The following RNLS variants were observed in gnomAD, a reference collection of about 807,000 sequenced individuals.
RNLS encodes renalase, FAD dependent amine oxidase, also known as renalase.
Under a neutral mutation model 39.8 loss-of-function variants are expected in RNLS, and 39 were observed. The ratio of observed to expected loss-of-function variants is 0.98; its 90% CI spans 0.76 to 1.28. The LOEUF is 1.28. Ranked by LOEUF, RNLS falls within the 50% of genes most tolerant of loss-of-function variation. RNLS has a pLI of 0.00. For missense variants in RNLS, 410 were observed against 413.3 expected (o/e 0.99, Z 0.07); for synonymous variants, 147 against 150.7 (o/e 0.98, Z 0.18).
the RNLS span, among the ~76,000 whole-genome samples, chr10:88,204,204 G>T: frequency 7.9e-5 from 12 of 152,224 alleles, 1 homozygote; most frequent in South Asian, 1.4e-3. Flanking sequence ...AGTGATTTAT[G>T]AGTTGCCAGA....
intron 4 of RNLS, among the ~76,000 whole-genome samples, chr10:88,420,406 A>T (rs1275221942): frequency 6.6e-6 from 1 of 152,156 alleles, no homozygotes; most frequent in Non-Finnish European, 1.5e-5. Context: ...AAACAATATA[A>T]ATTTATTCTT....
At chr10:88,209,297 AG>A in the RNLS span, among the ~76,000 whole-genome samples, 1 of 152,152 alleles carries the variant, frequency 6.6e-6, no homozygotes, top group East Asian at 1.9e-4. Context: ...ATTATAGTTA[AG>A]ATGCCGTCAT....
chr10:88,174,728 G>A, the RNLS span, among the ~76,000 whole-genome samples: 4 of 152,066 alleles, frequency 2.6e-5, no homozygotes, highest in African/African-American at 9.7e-5. Flanking sequence ...TGTATTTGTT[G>A]TTGTATCCTT....
At chr10:88,233,977 C>T in the RNLS span, among the ~76,000 whole-genome samples, 4 of 150,272 alleles carry the variant, frequency 2.7e-5, no homozygotes, top group Admixed American at 2.0e-4. Context: ...TCCTGGAAAC[C>T]GGTCAGTACA....
chr10:88,215,570 C>T, the RNLS span, among the ~76,000 whole-genome samples: 1 of 152,112 alleles, frequency 6.6e-6, no homozygotes, highest in Non-Finnish European at 1.5e-5. Flanking sequence ...AATAATGTGT[C>T]CATGATCACT....
chr10:88,199,935 C>A, the RNLS span, among the ~76,000 whole-genome samples: 13 of 152,232 alleles, frequency 8.5e-5, no homozygotes, highest in Non-Finnish European at 1.5e-4. Flanking sequence ...TTGAGACTAG[C>A]CTAAGCAACA....
intron 4 of RNLS, among the ~76,000 whole-genome samples, chr10:88,405,152 A>T (rs1383299817): frequency 6.6e-6 from 1 of 152,058 alleles, no homozygotes; most frequent in Non-Finnish European, 1.5e-5. Flanking sequence ...AGTTGTGAGG[A>T]TAACCAAATG....
intron 5 of RNLS, among the ~76,000 whole-genome samples, chr10:88,348,962 C>T (rs701892): frequency 0.25 from 38,359 of 151,984 alleles, 5,708 homozygotes; most frequent in Non-Finnish European, 0.34. Context: ...CTGCAAATTA[C>T]GAGTGCAACA....
rs1271980451 is a variant in RNLS, at chr10:88,573,042, T to C, written c.387A>G (p.Arg129=). Residue 129 remains arginine, a synonymous_variant, in exon 4 of 7, where the codon AGA becomes AGG. Coordinates refer to ENST00000331772, the MANE Select transcript of RNLS (RefSeq NM_001031709.3). ...TTAGGTTGATCTGTGTCACACGATG[T>C]CTGAAGTAGACTTCTGCACCTGTTC... ...LKESGAEVYF[R]HRVTQINLRD... The C allele has an allele frequency of 1.2e-6, 2 of 1,613,966 alleles. No homozygotes were observed. Among genetic ancestry groups the C allele is most frequent in the Non-Finnish European group, 1.7e-6 (2 of 1,179,868 alleles).
intron 4 of RNLS, among the ~76,000 whole-genome samples, chr10:88,500,459 T>C (rs1190841536): frequency 6.6e-6 from 1 of 152,178 alleles, no homozygotes; most frequent in Non-Finnish European, 1.5e-5. Context: ...GGACTCTTGT[T>C]TAGGAACACG....
At chr10:88,343,262 A>T (rs1412436542) in intron 5 of RNLS, among the ~76,000 whole-genome samples, 1 of 151,982 alleles carries the variant, frequency 6.6e-6, no homozygotes, top group Admixed American at 6.5e-5. Flanking sequence ...TGACAGTGAC[A>T]GTGACGATGA....
chr10:88,407,797 A>G (rs1853382597), intron 4 of RNLS, among the ~76,000 whole-genome samples: 1 of 152,076 alleles, frequency 6.6e-6, no homozygotes, highest in South Asian at 2.1e-4. Context: ...CATTATTAGT[A>G]TTTGCTCTGT....
chr10:88,229,813 AG>A, the RNLS span, among the ~76,000 whole-genome samples: 1 of 151,636 alleles, frequency 6.6e-6, no homozygotes, highest in African/African-American at 2.4e-5. Flanking sequence ...TACTCTTTTG[AG>A]CTTATCATTG....
chr10:88,526,064 T>C (rs957413148), intron 4 of RNLS, among the ~76,000 whole-genome samples: 1 of 152,064 alleles, frequency 6.6e-6, no homozygotes, highest in Non-Finnish European at 1.5e-5. Flanking sequence ...AACTTAACTC[T>C]TGTTTAAACC....
chr10:88,299,300 T>C (rs997808609), intron 6 of RNLS, among the ~76,000 whole-genome samples: 4 of 152,178 alleles, frequency 2.6e-5, no homozygotes, highest in African/African-American at 9.7e-5. Context: ...AGTTTCTTTC[T>C]GTATGGTTTG....
At chr10:88,529,786 C>A (rs1379511082) in intron 4 of RNLS, among the ~76,000 whole-genome samples, 1 of 152,118 alleles carries the variant, frequency 6.6e-6, no homozygotes, top group African/African-American at 2.4e-5. Context: ...TCAGCCTTAA[C>A]AAATCTGAAC....
Position 88,523,246 on chromosome 10 carries a change from AATAATGCTATTGGTTAGCT to A in RNLS, c.526+49638_526+49656del, listed in dbSNP as rs576120250. Among the ~76,000 whole-genome samples, 24 of 152,252 alleles carry A rather than the reference AATAATGCTATTGGTTAGCT, an allele frequency of 1.6e-4. No individual in the cohort carries two copies. In the South Asian group the frequency reaches 5.0e-3, roughly 32 times the overall value. On this transcript the variant is annotated intron_variant, in intron 4 of 6. Transcript: ENST00000331772. ...TCATAAAAACGGTTTCCTTAAATAA[AATAATGCTATTGGTTAGCT>A]ATAAGTCTGCTTTCCATGCATCCCA...
At position 88,441,026 on chromosome 10, in the gene RNLS, G is replaced by A. The variant is rs1025956622; in HGVS notation, c.527-78301C>T. Among the ~76,000 whole-genome samples, 6 of 152,308 alleles carry A rather than the reference G, an allele frequency of 3.9e-5. 1 individual carries two copies. The highest frequency in any genetic ancestry group is 9.6e-5 in the African/African-American group (4 of 41,564). ...AAATCCTTTTATGGAATTATGAGTC[G>A]AGTTGAGAGAAATAAATCAGTTTCC... On this transcript the variant is annotated intron_variant, in intron 4 of 6. Coordinates refer to ENST00000331772, the MANE Select transcript of RNLS (RefSeq NM_001031709.3).
chr10:88,582,302 T>C lies in RNLS; in HGVS notation c.124A>G (p.Arg42Gly), dbSNP rs1034812349. The C allele has an allele frequency of 9.9e-6, 16 of 1,612,630 alleles. No homozygotes were observed. In the African/African-American group the frequency reaches 2.0e-4, roughly 20 times the overall value. The change falls in exon 2 of 7, where the codon AGA (arginine) becomes GGA (glycine). Residue 42 changes from arginine (R) to glycine (G), a missense_variant. Coordinates refer to ENST00000331772, the MANE Select transcript of RNLS (RefSeq NM_001031709.3). ...VWDKAEDSGG[R>G]MTTACSPHNP... is the part of the protein sequence containing the mutation. ...TGAGGACTGCAGGCTGTAGTCATTC[T>C]TCCCCCTTGAATTAATCCACAGGAA... is the stretch of plus-strand genomic sequence containing the variant.
Sources: gnomAD v4.1 joint callset for allele counts (sites outside exome capture counted in the v4.1 genomes callset) on GRCh38, gnomAD v4.1.1 for gene constraint, MANE v1.5 for transcripts, NCBI Gene and HGNC (gene_info 2026-07-23, HGNC 2026-07-21) for gene names.